Variants in NOS1 observed in about 807,000 individuals in gnomAD.
The protein encoded by NOS1 is NOS type I.
In NOS1, 51 loss-of-function variants were observed where a neutral mutation model predicts 164.5. The ratio of observed to expected loss-of-function variants is 0.31; its 90% CI spans 0.25 to 0.39. The LOEUF (loss-of-function observed/expected upper bound fraction) is 0.39, where lower values mean the gene tolerates loss of function less well. Ranked by LOEUF, NOS1 falls within the 10% of genes least tolerant of loss-of-function variation. The probability of loss-of-function intolerance (pLI) is 1.00; values close to 1 mark genes in which losing one functional copy is unlikely to be tolerated. For missense variants in NOS1, 1,362 were observed against 1,885.6 expected (o/e 0.72, Z 5.14); for synonymous variants, 719 against 745.8 (o/e 0.96, Z 0.59).
rs1177272542 is a variant in NOS1, at chr12:117,330,518, G to A, written c.552C>T (p.Gly184=). The part of the protein sequence containing the change: ...HANGLAPRPP[G]QDPAKKATRV... ...TGGTTGCTTTCTTCGCGGGGTCCTG[G>A]CCTGGGGGCCTGGGGGCCAGGCCGT... Residue 184 remains glycine (G), a synonymous_variant, in exon 2 of 29, where the codon GGC becomes GGT. Transcript: ENST00000317775. This position sits in a 1 kb window ranked among gnomAD's most constrained non-coding sequence, Gnocchi z 4.6. The A allele has an allele frequency of 1.2e-6, 2 of 1,613,754 alleles. No individual in the cohort carries two copies. The highest frequency in any genetic ancestry group is 1.7e-6 in the Non-Finnish European group (2 of 1,180,030).
intron 1 of NOS1, among the ~76,000 whole-genome samples, chr12:117,341,133 A>T (rs1294486277): frequency 6.6e-6 from 1 of 152,006 alleles, no homozygotes; most frequent in East Asian, 1.9e-4. Context: ...GTAAGCAGTC[A>T]TTTTTCTATT....
chr12:117,301,949 T>C, intron 3 of NOS1: 2 of 456,584 alleles, frequency 4.4e-6, no homozygotes, highest in South Asian at 3.1e-5. Flanking sequence ...ATTTATTCTG[T>C]GCCAGGCCCT....
intron 1 of NOS1, among the ~76,000 whole-genome samples, chr12:117,351,634 T>C (rs1300167197): frequency 2.0e-5 from 3 of 152,202 alleles, no homozygotes; most frequent in African/African-American, 7.2e-5. Flanking sequence ...CTAAGCCAAG[T>C]CATCCTAATC....
intron 8 of NOS1, among the ~76,000 whole-genome samples, chr12:117,279,938 G>A (rs1873497049): frequency 6.6e-6 from 1 of 152,210 alleles, no homozygotes; most frequent in Admixed American, 6.5e-5. Context: ...CATCTTCAAG[G>A]AGGTACCACC....
At chr12:117,300,373 CAGTT>C (rs1243583187) in intron 3 of NOS1, among the ~76,000 whole-genome samples, 1 of 152,178 alleles carries the variant, frequency 6.6e-6, no homozygotes, top group Non-Finnish European at 1.5e-5. Context: ...TTAAAACAAA[CAGTT>C]AGCAAAATAT....
intron 2 of NOS1, among the ~76,000 whole-genome samples, chr12:117,325,542 T>C (rs12578547): frequency 0.37 from 56,628 of 152,042 alleles, 12,616 homozygotes; most frequent in African/African-American, 0.61. Context: ...GCATGCCACA[T>C]GATCTCTGGG....
rs1432429096 is a variant in NOS1, at chr12:117,213,590, C to T, written c.*1719G>A. The T allele has an allele frequency of 5.1e-6, 5 of 985,334 alleles. No individual in the cohort carries two copies. The highest frequency in any genetic ancestry group is 1.7e-5 in the African/African-American group (1 of 57,226). 61.0% of individuals were successfully genotyped at this position (985,334 alleles called of 1,614,324 possible). On this transcript the variant is annotated 3_prime_UTR_variant, in exon 29 of 29. Transcript: ENST00000317775. ...CCTGGGCCCTTTGGGGTCTTGGTGC[C>T]CCCACTGTAAAGCCCTTTCAAAGAG...
In NOS1 at chr12:117,243,254, C is replaced by G. The variant is rs1449287964; in HGVS notation, c.2962+43G>C. On this transcript the variant is annotated intron_variant, in intron 19 of 28. Coordinates refer to ENST00000317775, the MANE Select transcript of NOS1 (RefSeq NM_000620.5). The surrounding 1 kb of genome is among the most constrained non-coding windows in gnomAD (Gnocchi z 4.3). ...TGGAGGTGAGATCACCTGCCTTTCCCCCATTGTCACGAATACCTCCCTGGA... is the reference window on the plus strand; with the variant it reads ...TGGAGGTGAGATCACCTGCCTTTCCGCCATTGTCACGAATACCTCCCTGGA... 10 of 1,608,386 alleles carry G rather than the reference C, an allele frequency of 6.2e-6. No individual in the cohort carries two copies.
chr12:117,227,746 G>C, intron 22 of NOS1, 105 bp from the exon 23 acceptor site: 1 of 1,029,248 alleles, frequency 9.7e-7, no homozygotes. Flanking sequence ...AGTAACAGTT[G>C]GCAGGTGCAG....
chr12:117,299,824 T>C (rs546116733), intron 3 of NOS1, among the ~76,000 whole-genome samples: 6 of 152,164 alleles, frequency 3.9e-5, no homozygotes, highest in Non-Finnish European at 8.8e-5. Context: ...GCATCAAGGC[T>C]GAACTTTTTA....
chr12:117,229,202 A>T (rs1481963587), intron 22 of NOS1, among the ~76,000 whole-genome samples: 1 of 152,164 alleles, frequency 6.6e-6, no homozygotes. Flanking sequence ...CAACTCTTTG[A>T]AACTGACATC....
chr12:117,340,669 A>G (rs1038345537), intron 1 of NOS1, among the ~76,000 whole-genome samples: 21 of 151,678 alleles, frequency 1.4e-4, no homozygotes, highest in Admixed American at 1.2e-3. Flanking sequence ...AGCTGGGACT[A>G]CAGGCACCCG....
At chr12:117,324,796 C>T (rs892623515) in intron 2 of NOS1, among the ~76,000 whole-genome samples, 1 of 152,148 alleles carries the variant, frequency 6.6e-6, no homozygotes, top group Non-Finnish European at 1.5e-5. Flanking sequence ...ATCTGCCTTC[C>T]CCAAACCCCC....
chr12:117,256,052 C>T (rs753905463), intron 16 of NOS1: 48 of 1,329,740 alleles, frequency 3.6e-5, no homozygotes, highest in Non-Finnish European at 4.7e-5. Flanking sequence ...AGGGGAGAAT[C>T]GATGGTGCCC....
chr12:117,224,336 A>C (rs1220318326), intron 25 of NOS1, among the ~76,000 whole-genome samples: 1 of 152,070 alleles, frequency 6.6e-6, no homozygotes, highest in Non-Finnish European at 1.5e-5. Context: ...CCCAGGCTGG[A>C]GTGCGGTGGC....
chr12:117,310,082 AT>A (rs900569329), intron 3 of NOS1, among the ~76,000 whole-genome samples: 1 of 151,660 alleles, frequency 6.6e-6, no homozygotes, highest in Non-Finnish European at 1.5e-5. Flanking sequence ...AATTTTTGTT[AT>A]TTTTTTTAGA....
At chr12:117,318,882 G>A (rs1874786733) in intron 2 of NOS1, among the ~76,000 whole-genome samples, 1 of 152,176 alleles carries the variant, frequency 6.6e-6, no homozygotes, top group African/African-American at 2.4e-5. Flanking sequence ...TCCTGGCCCT[G>A]CATGCTCCAA....
At chr12:117,281,944 T>C (rs1483333213) in intron 7 of NOS1, among the ~76,000 whole-genome samples, 3 of 152,126 alleles carry the variant, frequency 2.0e-5, no homozygotes, top group Non-Finnish European at 4.4e-5. Context: ...CCAAAGTTTA[T>C]AGACTTATCA....
intron 17 of NOS1, among the ~76,000 whole-genome samples, chr12:117,251,596 A>AC (rs1871103739): frequency 7.3e-6 from 1 of 136,118 alleles, no homozygotes; most frequent in Non-Finnish European, 1.6e-5. Flanking sequence ...AATTTTTTTC[A>AC]TTTTTTTTTT....
Sources: allele counts gnomAD v4.1 joint callset (sites outside exome capture counted in the v4.1 genomes callset), GRCh38; gene constraint gnomAD v4.1.1; non-coding constraint Gnocchi (gnomAD v3.1); transcripts MANE v1.5; gene names NCBI Gene and HGNC (gene_info 2026-07-23, HGNC 2026-07-21).